Variants in CDKL5 observed in about 807,000 individuals in gnomAD.
The protein encoded by CDKL5 is cyclin-dependent kinase-like 5.
CDKL5 carries 8 observed loss-of-function variants against 61.7 expected under a neutral mutation model. The ratio of observed to expected loss-of-function variants is 0.13; its 90% CI spans 0.08 to 0.23. The LOEUF is 0.23. Among genes scored for constraint, CDKL5 ranks in the 10% least tolerant of loss-of-function variants. The pLI, the probability that CDKL5 is intolerant of heterozygous loss-of-function variation, is 1.00. For missense variants in CDKL5, 440 were observed against 734.5 expected, an observed-to-expected ratio of 0.60 and a Z score of 4.63; for synonymous variants, 275 against 272.3, an observed-to-expected ratio of 1.01 and a Z score of -0.10.
At chrX:18,647,932 A>G (rs1927854985) in intron 20 of CDKL5, among the ~76,000 whole-genome samples, 2 of 111,545 alleles carry the variant, frequency 1.8e-5, no homozygotes, top group African/African-American at 3.3e-5. Flanking sequence ...GGGACTGTTG[A>G]GTGAGAAACA....
At chrX:18,526,462 T>G (rs1923443863) in intron 3 of CDKL5, among the ~76,000 whole-genome samples, 1 of 111,901 alleles carries the variant, frequency 8.9e-6, no homozygotes, top group African/African-American at 3.2e-5. Flanking sequence ...CTTATCTTAT[T>G]GTATTTCTTA....
intron 4 of CDKL5, among the ~76,000 whole-genome samples, chrX:18,571,871 C>T (rs948189876): frequency 9.0e-6 from 1 of 111,722 alleles, no homozygotes; most frequent in African/African-American, 3.3e-5. Flanking sequence ...AATACTATGA[C>T]TGGCATAAAG....
intron 1 of CDKL5, among the ~76,000 whole-genome samples, chrX:18,432,326 G>T (rs1931514392): frequency 1.8e-5 from 2 of 109,361 alleles, no homozygotes; most frequent in Admixed American, 2.0e-4. Context: ...TTGAACCCCT[G>T]ACATCAGGTG....
In CDKL5 at chrX:18,549,267, C is replaced by A. The variant is rs1318621863; in HGVS notation, c.100-15210C>A. On this transcript the variant is annotated intron_variant, in intron 3 of 17. Transcript: ENST00000623535. ...TGAATAATTGCAAAAATTAAGTATA[C>A]TGACTTCGATGGTCTCTACATAACT... Among the ~76,000 whole-genome samples, 4 of 111,766 alleles carry A rather than the reference C, an allele frequency of 3.6e-5. No individual in the cohort carries two copies. In the East Asian group the frequency reaches 8.4e-4, roughly 24 times the overall value.
chrX:18,609,678 G>T lies in CDKL5; in HGVS notation c.2152+108G>T, dbSNP rs748299970. 1.4e-5 allele frequency: 16 copies of T among 1,123,787 alleles called. 1 individual carries two copies. In the South Asian group the frequency reaches 3.4e-4, roughly 24 times the overall value. The allele number at this position is 1,123,787 out of a possible 1,213,427, so 92.6% of individuals were successfully genotyped here. ...CAGCGGCCTTCTCACCTACACTGTC[G>T]CCTTCCAGCGGTTCTCCCTGCCTCT... On this transcript the variant is annotated intron_variant, in intron 14 of 17. Coordinates refer to ENST00000623535, the MANE Select transcript of CDKL5 (RefSeq NM_001323289.2).
chrX:18,506,872 A>G lies in CDKL5; in HGVS notation c.-162-63A>G. 3 of 382,415 alleles carry G rather than the reference A, an allele frequency of 7.8e-6. No homozygotes were observed. The East Asian group carries it at 1.3e-4, about 16-fold the overall frequency. The allele number at this position is 382,415 out of a possible 1,213,427, so 31.5% of individuals were successfully genotyped here. On this transcript the variant is annotated intron_variant, in intron 1 of 17. Transcript: ENST00000623535. ...AAAAATAACTCTACAAAAAGGTAAG[A>G]TTGGTTACTAGAGTACTGCAAATAT...
At chrX:18,460,186 G>A (rs758364393) in intron 1 of CDKL5, among the ~76,000 whole-genome samples, 20 of 108,731 alleles carry the variant, frequency 1.8e-4, no homozygotes, top group African/African-American at 5.9e-4. Context: ...GTGAGCCACC[G>A]CACTCGGCCT....
At chrX:18,571,295 C>CA (rs1028986411) in intron 4 of CDKL5, among the ~76,000 whole-genome samples, 16 of 111,505 alleles carry the variant, frequency 1.4e-4, no homozygotes, top group Non-Finnish European at 2.1e-4. Context: ...TTCCAAAACT[C>CA]ACTGTATTGT....
Position 18,499,484 on chromosome X carries a change from C to G in CDKL5, c.-162-7451C>G, listed in dbSNP as rs754485901. Among the ~76,000 whole-genome samples, 8 of 108,812 alleles carry G rather than the reference C, an allele frequency of 7.4e-5. No individual in the cohort carries two copies. The East Asian group carries it at 2.3e-3, about 32-fold the overall frequency. 94.5% of individuals were successfully genotyped at this position (108,812 alleles called of 115,157 possible). On this transcript the variant is annotated intron_variant, in intron 1 of 17. Transcript: ENST00000623535. ...CATGCCATTCTCCTGCCTCAGCCTCCCGAGTAGCTGGGACTACAGGCGCCC... is the reference window on the plus strand; with the variant it reads ...CATGCCATTCTCCTGCCTCAGCCTCGCGAGTAGCTGGGACTACAGGCGCCC...
intron 1 of CDKL5, among the ~76,000 whole-genome samples, chrX:18,479,673 A>G (rs1332566269): frequency 1.8e-5 from 2 of 111,382 alleles, no homozygotes; most frequent in Admixed American, 1.9e-4. Flanking sequence ...TGGTATTCCC[A>G]TTACATGTAT....
intron 19 of CDKL5, chrX:18,645,938 AAT>A: frequency 8.3e-7 from 1 of 1,206,667 alleles, no homozygotes. Context: ...TGGCCAATAG[AAT>A]ATGTTTGTGT....
At chrX:18,606,174 T>TCACACACACACACACACA (rs528800542) in intron 12 of CDKL5, among the ~76,000 whole-genome samples, 10 of 96,873 alleles carry the variant, frequency 1.0e-4, no homozygotes, top group African/African-American at 3.4e-4. Context: ...AGCAAGACTG[T>TCACACACACACACACACA]CACACACACA....
chrX:18,431,820 A>G (rs1931498419), intron 1 of CDKL5, among the ~76,000 whole-genome samples: 1 of 111,098 alleles, frequency 9.0e-6, no homozygotes, highest in African/African-American at 3.3e-5. Context: ...TGTGACTATC[A>G]TTACAATCCA....
chrX:18,652,091 C>T lies in CDKL5; in HGVS notation c.2981-1341C>T, dbSNP rs149053473. The stretch of plus-strand genomic sequence containing the variant: ...GGCATACTTCACTGCCATCTCCCCT[C>T]GCCTGCCTCCCTCCCCATTCTCCCC... On this transcript the variant is annotated intron_variant, in intron 21 of 21. Coordinates refer to the CDKL5 transcript ENST00000379989. Among the ~76,000 whole-genome samples, 32 of 111,116 alleles carry T rather than the reference C, an allele frequency of 2.9e-4. 1 individual carries two copies. In the East Asian group the frequency reaches 9.1e-3, roughly 32 times the overall value.
chrX:18,462,318 A>G (rs1932307922), intron 1 of CDKL5, among the ~76,000 whole-genome samples: 2 of 110,936 alleles, frequency 1.8e-5, no homozygotes, highest in Non-Finnish European at 3.8e-5. Flanking sequence ...GCAGGAACAT[A>G]TAGTCTATAC....
chrX:18,551,666 GCCTCAA>G (rs922625312), intron 3 of CDKL5, among the ~76,000 whole-genome samples: 1 of 104,988 alleles, frequency 9.5e-6, no homozygotes, highest in Non-Finnish European at 1.9e-5. Context: ...GCTCACTGCA[GCCTCAA>G]CCTTCCTGGC....
At chrX:18,600,363 G>C (rs756468925) in intron 11 of CDKL5, among the ~76,000 whole-genome samples, 27 of 111,799 alleles carry the variant, frequency 2.4e-4, no homozygotes, top group Non-Finnish European at 5.6e-5. Flanking sequence ...TCAAGGAATA[G>C]TAGTCATCAT....
At chrX:18,447,311 A>C (rs996237103) in intron 1 of CDKL5, among the ~76,000 whole-genome samples, 4 of 110,997 alleles carry the variant, frequency 3.6e-5, no homozygotes, top group African/African-American at 9.8e-5. Flanking sequence ...TCTGCCCATT[A>C]TCTTATGCCT....
chrX:18,490,143 C>T (rs1756283240), intron 1 of CDKL5, among the ~76,000 whole-genome samples: 1 of 111,705 alleles, frequency 9.0e-6, no homozygotes, highest in Non-Finnish European at 1.9e-5. Context: ...CCCTGTGCAT[C>T]TCTTCCATTT....
Sources: gnomAD v4.1 joint callset for allele counts (sites outside exome capture counted in the v4.1 genomes callset) on GRCh38, gnomAD v4.1.1 for gene constraint, MANE v1.5 for transcripts, NCBI Gene and HGNC (gene_info 2026-07-23, HGNC 2026-07-21) for gene names.